Variants in NETO1 observed in about 807,000 individuals in gnomAD.
NETO1 encodes neuropilin and tolloid-like protein 1.
In NETO1, 26 loss-of-function variants were observed where a neutral mutation model predicts 61.3. The ratio of observed to expected loss-of-function variants is 0.42; its 90% CI spans 0.31 to 0.59. The LOEUF is 0.59. Ranked by LOEUF, NETO1 falls within the 20% of genes least tolerant of loss-of-function variation. The pLI, the probability that NETO1 is intolerant of heterozygous loss-of-function variation, is 0.12. For missense variants in NETO1, 531 were observed against 662.8 expected (o/e 0.80, Z 2.18); for synonymous variants, 225 against 225.8 (o/e 1.00, Z 0.03).
At chr18:72,854,398 T>A (rs2156104) in intron 4 of NETO1, among the ~76,000 whole-genome samples, 1 of 152,172 alleles carries the variant, frequency 6.6e-6, no homozygotes, top group African/African-American at 2.4e-5. Flanking sequence ...AAACTATCAT[T>A]GAAAAGGAAA....
chr18:72,847,869 T>C (rs1289846585), intron 4 of NETO1, among the ~76,000 whole-genome samples: 1 of 152,196 alleles, frequency 6.6e-6, no homozygotes, highest in Non-Finnish European at 1.5e-5. Flanking sequence ...GGCTGAAATG[T>C]ATCTCACTGA....
intron 9 of NETO1, among the ~76,000 whole-genome samples, 196 bp downstream of exon 9, chr18:72,749,866 C>T (rs1025114537): frequency 2.0e-5 from 3 of 151,776 alleles, no homozygotes; most frequent in African/African-American, 7.3e-5. Context: ...ACATACATAT[C>T]GTGCACATGT....
intron 4 of NETO1, among the ~76,000 whole-genome samples, chr18:72,833,180 T>C (rs2073636042): frequency 6.6e-6 from 1 of 150,416 alleles, no homozygotes; most frequent in Admixed American, 6.6e-5. Context: ...ATCTGTATAT[T>C]GATACATCCA....
intron 4 of NETO1, among the ~76,000 whole-genome samples, chr18:72,799,107 C>T (rs949942605): frequency 1.3e-5 from 2 of 152,122 alleles, no homozygotes; most frequent in African/African-American, 4.8e-5. Context: ...GCTAAGAAGC[C>T]CTTTATTATT....
chr18:72,831,707 A>T (rs1021815636), intron 4 of NETO1, among the ~76,000 whole-genome samples: 1 of 152,254 alleles, frequency 6.6e-6, no homozygotes, highest in Non-Finnish European at 1.5e-5. Flanking sequence ...CAATTAGATT[A>T]GCATAAAAAA....
At chr18:72,797,905 C>T (rs980720299) in intron 4 of NETO1, among the ~76,000 whole-genome samples, 1 of 152,176 alleles carries the variant, frequency 6.6e-6, no homozygotes, top group Non-Finnish European at 1.5e-5. Context: ...GGATCTTTCT[C>T]ATTCTTTGGT....
At chr18:72,804,787 C>T (rs570661393) in intron 4 of NETO1, among the ~76,000 whole-genome samples, 40 of 152,286 alleles carry the variant, frequency 2.6e-4, no homozygotes, top group Admixed American at 1.5e-3. Context: ...ATATTTTCAA[C>T]GCACAGCTCG....
At chr18:72,853,955 A>G (rs968540236) in intron 4 of NETO1, among the ~76,000 whole-genome samples, 2 of 152,162 alleles carry the variant, frequency 1.3e-5, no homozygotes, top group Non-Finnish European at 1.5e-5. Flanking sequence ...GTTAATACAT[A>G]TATATTCACG....
intron 7 of NETO1, among the ~76,000 whole-genome samples, chr18:72,768,701 A>G (rs1330339455): frequency 1.3e-5 from 2 of 152,160 alleles, no homozygotes; most frequent in African/African-American, 2.4e-5. Flanking sequence ...GCACACAAAG[A>G]TGCTACTCTG....
intron 6 of NETO1, among the ~76,000 whole-genome samples, chr18:72,787,677 A>G (rs1423388424): frequency 6.6e-6 from 1 of 152,222 alleles, no homozygotes; most frequent in East Asian, 1.9e-4. Flanking sequence ...TTTAAGATGA[A>G]GAGAACTGAA....
chr18:72,799,937 G>A (rs1432629318), intron 4 of NETO1, among the ~76,000 whole-genome samples: 1 of 152,222 alleles, frequency 6.6e-6, no homozygotes, highest in Non-Finnish European at 1.5e-5. Flanking sequence ...TCACTTCAGG[G>A]GAGAACAAAA....
At chr18:72,841,249 C>A (rs2073920531) in intron 4 of NETO1, among the ~76,000 whole-genome samples, 1 of 152,080 alleles carries the variant, frequency 6.6e-6, no homozygotes, top group Non-Finnish European at 1.5e-5. Context: ...AATGACTTTG[C>A]TATTATATTT....
intron 4 of NETO1, among the ~76,000 whole-genome samples, chr18:72,827,782 G>A (rs541561085): frequency 7.9e-5 from 12 of 151,964 alleles, no homozygotes; most frequent in Non-Finnish European, 1.2e-4. Context: ...TGCTGTTTGG[G>A]CATGTTGAAA....
chr18:72,804,447 GA>G (rs1568213216), intron 4 of NETO1, among the ~76,000 whole-genome samples: 1 of 152,158 alleles, frequency 6.6e-6, no homozygotes, highest in Non-Finnish European at 1.5e-5. Flanking sequence ...GATTATAACT[GA>G]ATCATATCAG....
At chr18:72,847,429 G>A (rs1219811332) in intron 4 of NETO1, among the ~76,000 whole-genome samples, 1 of 152,186 alleles carries the variant, frequency 6.6e-6, no homozygotes, top group Non-Finnish European at 1.5e-5. Flanking sequence ...AGAACAGACA[G>A]CATAGCTCTT....
chr18:72,845,532 C>A (rs1466749615), intron 4 of NETO1, among the ~76,000 whole-genome samples: 1 of 152,086 alleles, frequency 6.6e-6, no homozygotes, highest in South Asian at 2.1e-4. Context: ...CACAAATAGA[C>A]CACAACAATG....
chr18:72,842,643 C>A (rs1942464), intron 4 of NETO1, among the ~76,000 whole-genome samples: 145,861 of 152,274 alleles, frequency 0.96, 69,956 homozygotes, highest in Non-Finnish European at 0.99. Context: ...AAATTGGTGT[C>A]TTTGAGAAGT....
intron 7 of NETO1, among the ~76,000 whole-genome samples, chr18:72,781,312 C>G (rs2071731458): frequency 6.6e-6 from 1 of 152,020 alleles, no homozygotes; most frequent in Non-Finnish European, 1.5e-5. Context: ...AATATAGAAC[C>G]CTGAAATTCC....
intron 4 of NETO1, among the ~76,000 whole-genome samples, chr18:72,847,936 T>C (rs1021555421): frequency 1.3e-5 from 2 of 152,182 alleles, no homozygotes; most frequent in East Asian, 3.9e-4. Context: ...TAGGGGAGAA[T>C]GTTTCCATTG....
Sources: allele counts gnomAD v4.1 joint callset (sites outside exome capture counted in the v4.1 genomes callset), GRCh38; gene constraint gnomAD v4.1.1; transcripts MANE v1.5; gene names NCBI Gene and HGNC (gene_info 2026-07-23, HGNC 2026-07-21).